The following C2orf74 variants were observed in gnomAD, a reference collection of about 807,000 sequenced individuals.
C2orf74 encodes DPM1 ER membrane anchor 1, also known as uncharacterized protein C2orf74.
A neutral mutation model predicts 17.9 loss-of-function variants in C2orf74; 14 were observed. The observed-to-expected ratio is 0.78, with a 90% CI of 0.52 to 1.22. The LOEUF is 1.22. C2orf74 is among the 50% of genes most tolerant of loss of function. The pLI, the probability that C2orf74 is intolerant of heterozygous loss-of-function variation, is 0.00. For missense variants in C2orf74, 217 were observed against 218.4 expected (o/e 0.99, Z 0.04); for synonymous variants, 79 against 72.6 (o/e 1.09, Z -0.44).
At chr2:61,153,484 A>G (rs746543500) in intron 1 of C2orf74, among the ~76,000 whole-genome samples, 16 of 151,476 alleles carry the variant, frequency 1.1e-4, no homozygotes, top group Non-Finnish European at 2.1e-4. Context: ...GGGTTTCACC[A>G]TGTTAGCCAG....
chr2:61,147,025 T>C (rs1428796400), intron 1 of C2orf74, among the ~76,000 whole-genome samples: 2 of 151,360 alleles, frequency 1.3e-5, no homozygotes, highest in African/African-American at 4.9e-5. Context: ...CCAAATTAGA[T>C]GGGAGTGGTG....
chr2:61,149,579 T>C (rs1045487772), intron 1 of C2orf74, among the ~76,000 whole-genome samples: 10 of 141,582 alleles, frequency 7.1e-5, no homozygotes, highest in African/African-American at 1.1e-4. Flanking sequence ...CCTTTCTTTT[T>C]TTTTTTTTTT....
chr2:61,157,511 A>G (rs181308747), upstream of C2orf74, among the ~76,000 whole-genome samples: 7 of 152,292 alleles, frequency 4.6e-5, no homozygotes, highest in East Asian at 1.3e-3. Flanking sequence ...AACCAGCTTA[A>G]GCCAAAAAGG....
intron 1 of C2orf74, among the ~76,000 whole-genome samples, chr2:61,146,258 A>C (rs1010317344): frequency 6.6e-6 from 1 of 152,254 alleles, no homozygotes; most frequent in Non-Finnish European, 1.5e-5. Flanking sequence ...AGCATATCTT[A>C]CTAAGCGAAA....
intron 1 of C2orf74, among the ~76,000 whole-genome samples, chr2:61,146,877 G>T (rs1262175737): frequency 6.6e-6 from 1 of 151,462 alleles, no homozygotes; most frequent in Admixed American, 6.6e-5. Flanking sequence ...GAGGCTGGGT[G>T]TGTGGCTCAC....
At chr2:61,150,108 T>C (rs529461593) in intron 1 of C2orf74, among the ~76,000 whole-genome samples, 8 of 152,292 alleles carry the variant, frequency 5.3e-5, no homozygotes, top group African/African-American at 1.9e-4. Context: ...GGATATTCTC[T>C]GTAGGGCCAG....
chr2:61,148,676 A>G (rs1243608363), intron 1 of C2orf74, among the ~76,000 whole-genome samples: 1 of 152,110 alleles, frequency 6.6e-6, no homozygotes, highest in African/African-American at 2.4e-5. Flanking sequence ...AGTTCTTTAT[A>G]TATTCTGAGT....
intron 1 of C2orf74, among the ~76,000 whole-genome samples, chr2:61,148,017 C>T (rs1685122459): frequency 6.6e-6 from 1 of 150,902 alleles, no homozygotes; most frequent in Admixed American, 6.6e-5. Flanking sequence ...GATGCTCCTG[C>T]CTTGGCTTCA....
chr2:61,161,701 T>C (rs1382563012), upstream of C2orf74: 1 of 152,256 alleles, frequency 6.6e-6, no homozygotes, highest in African/African-American at 2.4e-5. Context: ...TCTTTTTTTG[T>C]AGTGGCTTTG....
chr2:61,164,768 T>G lies in C2orf74; in HGVS notation c.*241T>G. The G allele has an allele frequency of 3.0e-6, 1 of 331,342 alleles. No individual in the cohort carries two copies. The highest frequency in any genetic ancestry group is 5.5e-6 in the Non-Finnish European group (1 of 182,890). 20.5% of individuals were successfully genotyped at this position (331,342 alleles called of 1,614,324 possible). On this transcript the variant is annotated 3_prime_UTR_variant, in exon 5 of 5. Coordinates refer to ENST00000432605, the MANE Select transcript of C2orf74 (RefSeq NM_001143959.4). ...TTCAAGAAATTGATTGTATTGCCCT[T>G]AAAACTATCTACTCAAACACTGTTC...
intron 2 of C2orf74, 57 bp downstream of exon 2, chr2:61,162,666 A>C: frequency 8.9e-7 from 1 of 1,124,568 alleles, no homozygotes; most frequent in Non-Finnish European, 1.3e-6. Context: ...GCAAATGTGT[A>C]TAGAAATAAT....
At chr2:61,153,164 A>G (rs1040761606) in intron 1 of C2orf74, among the ~76,000 whole-genome samples, 11 of 152,076 alleles carry the variant, frequency 7.2e-5, no homozygotes, top group African/African-American at 2.7e-4. Context: ...AAAAAAAAAA[A>G]AAACAACATT....
chr2:61,164,513 A>T lies in C2orf74; in HGVS notation c.550A>T (p.Lys184Ter), dbSNP rs200357077. The change falls in exon 5 of 5, where the codon AAA becomes TAA. Residue 184 changes from lysine (K) to a stop codon, truncating the protein, a stop_gained. Transcript: ENST00000432605. LOFTEE classifies it high-confidence loss of function. ...PTPRSYTREH[K>*]ERK is the part of the protein sequence containing the mutation. ...ACCTCGAAGCTATACTCGAGAACAT[A>T]AAGAGAGGAAATGAAGCTCAAAAAA... 6.6e-7 allele frequency: 1 copy of T among 1,524,964 alleles called. No individual in the cohort carries two copies. The highest frequency in any genetic ancestry group is 1.3e-5 in the South Asian group (1 of 78,324). 94.5% of individuals were successfully genotyped at this position (1,524,964 alleles called of 1,614,324 possible). A position where few individuals can be genotyped will look rare whatever the true frequency, so the allele number is the denominator to read the frequency against.
At chr2:61,161,128 G>A (rs575967803), upstream of C2orf74, among the ~76,000 whole-genome samples, 1 of 152,128 alleles carries the variant, frequency 6.6e-6, no homozygotes, top group South Asian at 2.1e-4. Flanking sequence ...AACACACTGT[G>A]GTTTTGATTT....
chr2:61,151,125 G>C (rs555759467), intron 1 of C2orf74, among the ~76,000 whole-genome samples: 1 of 151,980 alleles, frequency 6.6e-6, no homozygotes, highest in East Asian at 1.9e-4. Flanking sequence ...AGACCAGCCT[G>C]GCCAAGATGG....
At chr2:61,157,763 G>A (rs944494981), upstream of C2orf74, 4 of 424,024 alleles carry the variant, frequency 9.4e-6, no homozygotes, top group Non-Finnish European at 1.5e-5. Flanking sequence ...CCTGAGTCCT[G>A]TGTCCACTGC....
intron 1 of C2orf74, among the ~76,000 whole-genome samples, chr2:61,147,912 C>T (rs541460834): frequency 1.5e-4 from 22 of 150,546 alleles, no homozygotes; most frequent in African/African-American, 5.4e-4. Context: ...GGACTACAGG[C>T]ACATGCCACC....
chr2:61,164,262 C>G lies in C2orf74; in HGVS notation c.391-92C>G, dbSNP rs149368241. 46 of 1,027,248 alleles carry G rather than the reference C, an allele frequency of 4.5e-5. No individual in the cohort carries two copies. In the African/African-American group the frequency reaches 7.0e-4, roughly 16 times the overall value. 63.6% of individuals were successfully genotyped at this position (1,027,248 alleles called of 1,614,324 possible). On this transcript the variant is annotated intron_variant, in intron 4 of 4. Transcript: ENST00000432605. The stretch of plus-strand genomic sequence containing the variant: ...TCATTTAGAAATGCTTTTTCTGTTT[C>G]TCGTTAAGTGTACATATAACCTGTA...
At chr2:61,153,701 C>G (rs1011784975) in intron 1 of C2orf74, among the ~76,000 whole-genome samples, 17 of 139,836 alleles carry the variant, frequency 1.2e-4, no homozygotes. Flanking sequence ...CCAGCCAGGC[C>G]AACATGGTGA....
Sources: allele counts gnomAD v4.1 joint callset (sites outside exome capture counted in the v4.1 genomes callset), GRCh38; gene constraint gnomAD v4.1.1; transcripts MANE v1.5; gene names NCBI Gene and HGNC (gene_info 2026-07-23, HGNC 2026-07-21).